The following MRPL10 variants were observed in gnomAD, a reference collection of about 807,000 sequenced individuals.
The protein encoded by MRPL10 is mitochondrial ribosomal protein L10, also known as large ribosomal subunit protein uL10m.
Under a neutral mutation model 19.8 loss-of-function variants are expected in MRPL10, and 14 were observed. The ratio of observed to expected loss-of-function variants is 0.71; its 90% CI spans 0.47 to 1.11. MRPL10 has a LOEUF of 1.11. Among genes scored for constraint, MRPL10 ranks in the 50% least tolerant of loss-of-function variants. The pLI is 0.00. For missense variants in MRPL10, 318 were observed against 339.6 expected (o/e 0.94, Z 0.50); for synonymous variants, 129 against 139.2 (o/e 0.93, Z 0.52).
chr17:47,827,088 T>C lies in MRPL10; in HGVS notation c.339A>G (p.Arg113=). 1 of 1,614,038 alleles carries C rather than the reference T, an allele frequency of 6.2e-7. No homozygotes were observed. The highest frequency in any genetic ancestry group is 8.5e-7 in the Non-Finnish European group (1 of 1,179,964). The change falls in exon 3 of 5, where the codon CGA becomes CGG. Residue 113 remains arginine (R), a synonymous_variant. Transcript: ENST00000351111. ...ALSAEDKLLM[R]HQLRKHKILM... ...GGATCTTGTGTTTCCGCAGCTGGTGTCGCATAAGAAGCTTGTCCTCTGCAC... is the reference window on the plus strand; with the variant it reads ...GGATCTTGTGTTTCCGCAGCTGGTGCCGCATAAGAAGCTTGTCCTCTGCAC...
In MRPL10 at chr17:47,824,243, T is replaced by A. The variant is rs998852581; in HGVS notation, c.748A>T (p.Asn250Tyr). ...QREKDSVMSA[N>Y]GKPDPDTVPD... ...ACAGTGTCAGGATCTGGCTTCCCAT[T>A]GGCCGACATGACAGAATCCTTCTCG... Residue 250 changes from asparagine to tyrosine, a missense_variant, in exon 5 of 5, where the codon AAT becomes TAT. Coordinates refer to ENST00000351111, the MANE Select transcript of MRPL10 (RefSeq NM_145255.4). 2 of 1,614,206 alleles carry A rather than the reference T, an allele frequency of 1.2e-6. No individual in the cohort carries two copies.
rs773030488 is a variant in MRPL10, at chr17:47,824,245, G to A, written c.746C>T (p.Ala249Val). ...AGTGTCAGGATCTGGCTTCCCATTGGCCGACATGACAGAATCCTTCTCGCG... is the reference window on the plus strand; with the variant it reads ...AGTGTCAGGATCTGGCTTCCCATTGACCGACATGACAGAATCCTTCTCGCG... ...EQREKDSVMS[A>V]NGKPDPDTVP... is the part of the protein sequence containing the mutation. The change falls in exon 5 of 5, where the codon GCC becomes GTC. Residue 249 changes from alanine (A) to valine (V), a missense_variant. Ala to Val is a moderately conservative substitution (Grantham distance 64). Coordinates refer to ENST00000351111, the MANE Select transcript of MRPL10 (RefSeq NM_145255.4). 2 of 1,614,136 alleles carry A rather than the reference G, an allele frequency of 1.2e-6. No homozygotes were observed. The highest frequency in any genetic ancestry group is 1.7e-5 in the Admixed American group (1 of 60,026).
Position 47,824,269 on chromosome 17 carries a change from C to A in MRPL10, c.722G>T (p.Arg241Leu). ...TLLDQYIREQ[R>L]EKDSVMSANG... ...GGCCGACATGACAGAATCCTTCTCG[C>A]GTTGCTCTCTGATGTACTGGTCCAA... is the stretch of plus-strand genomic sequence containing the variant. Residue 241 changes from arginine (R) to leucine (L), a missense_variant, in exon 5 of 5, where the codon CGC (arginine) becomes CTC (leucine). Arg to Leu is a moderately radical substitution (Grantham distance 102). Coordinates refer to ENST00000351111, the MANE Select transcript of MRPL10 (RefSeq NM_145255.4). 1.2e-6 allele frequency: 2 copies of A among 1,614,152 alleles called. No homozygotes were observed. The highest frequency in any genetic ancestry group is 1.7e-6 in the Non-Finnish European group (2 of 1,180,028).
chr17:47,826,084 T>C (rs1598035818), intron 4 of MRPL10, among the ~76,000 whole-genome samples: 1 of 143,926 alleles, frequency 6.9e-6, no homozygotes, highest in Non-Finnish European at 1.5e-5. Flanking sequence ...GAGACAGAGG[T>C]TGCAGTGAGC....
At chr17:47,831,432 C>T in intron 1 of MRPL10, 28 bp downstream of exon 1, 4 of 1,548,176 alleles carry the variant, frequency 2.6e-6, no homozygotes, top group Non-Finnish European at 3.5e-6. Context: ...CCGCAAGACA[C>T]GCCGTGAGGA....
intron 4 of MRPL10, among the ~76,000 whole-genome samples, chr17:47,825,619 C>G (rs571622341): frequency 3.3e-5 from 5 of 152,204 alleles, no homozygotes; most frequent in Admixed American, 2.6e-4. Flanking sequence ...GAGTGAGACC[C>G]TGAATCATGG....
chr17:47,829,905 AAAG>A (rs1158770401), intron 1 of MRPL10, among the ~76,000 whole-genome samples: 3 of 144,550 alleles, frequency 2.1e-5, no homozygotes, highest in Admixed American at 6.7e-5. Flanking sequence ...AAAAAAAAAA[AAAG>A]AAAGAAAGAA....
Position 47,831,517 on chromosome 17 carries a change from C to T in MRPL10, c.-6G>A, listed in dbSNP as rs1260833199. 1.3e-6 allele frequency: 2 copies of T among 1,550,096 alleles called. No homozygotes were observed. The highest frequency in any genetic ancestry group is 3.9e-5 in the Admixed American group (2 of 50,894). ...CCCGCCACGGCCGCAGCCATCTCCA[C>T]CGGAAGAATGGACGGAAGCCGAGTG... On this transcript the variant is annotated 5_prime_UTR_variant, in exon 1 of 5. It adds an upstream start codon to the 5' untranslated region. Transcript: ENST00000351111.
In MRPL10 at chr17:47,823,323, C is replaced by A. The variant is rs890748085; in HGVS notation, c.*882G>T. 6.6e-6 allele frequency: 1 copy of A among 151,998 alleles called. No individual in the cohort carries two copies. Among genetic ancestry groups the A allele is most frequent in the African/African-American group, 2.4e-5 (1 of 41,350 alleles). The allele number at this position is 151,998 out of a possible 1,614,324, so 9.4% of individuals were successfully genotyped here. A position where few individuals can be genotyped will look rare whatever the true frequency, so the allele number is the denominator to read the frequency against. On this transcript the variant is annotated 3_prime_UTR_variant, in exon 5 of 5. Coordinates refer to ENST00000351111, the MANE Select transcript of MRPL10 (RefSeq NM_145255.4). ...TAATAGGGCAAGCATGCGCGGGATG[C>A]CATTTGTGGGAACAGGTATAGGGGA... is the stretch of plus-strand genomic sequence containing the variant.
chr17:47,823,896 G>C lies in MRPL10; in HGVS notation c.*309C>G. On this transcript the variant is annotated 3_prime_UTR_variant, in exon 5 of 5. Transcript: ENST00000351111. ...GGGCTCAGGAGCCCGTGCAGCAAGA[G>C]GCAGTGACCAAGGAGGCAGGGGACA... is the stretch of plus-strand genomic sequence containing the variant. The C allele has an allele frequency of 2.5e-6, 1 of 392,766 alleles. No individual in the cohort carries two copies. Among genetic ancestry groups the C allele is most frequent in the South Asian group, 2.3e-5 (1 of 43,824 alleles). The allele number at this position is 392,766 out of a possible 1,614,324, so 24.3% of individuals were successfully genotyped here.
intron 4 of MRPL10, among the ~76,000 whole-genome samples, chr17:47,826,221 C>T (rs547672791): frequency 1.3e-5 from 2 of 151,148 alleles, no homozygotes; most frequent in South Asian, 2.1e-4. Flanking sequence ...TCTGGATTTC[C>T]AAGGACATGT....
At position 47,824,417 on chromosome 17, in the gene MRPL10, T is replaced by C; in HGVS notation, c.574A>G (p.Ile192Val). 6.3e-7 allele frequency: 1 copy of C among 1,578,922 alleles called. No individual in the cohort carries two copies. The change falls in exon 5 of 5, where the codon ATC becomes GTC. Residue 192 changes from isoleucine (I) to valine (V), a missense_variant. Transcript: ENST00000351111. ...DDTILSRQGF[I>V]NYSKLPSLPL... ...AGGCTGGGGAGCTTGGAGTAGTTGA[T>C]AAAGCCCTGCCTGCTGAGGATGGTG...
chr17:47,829,932 T>A (rs935698545), intron 1 of MRPL10, among the ~76,000 whole-genome samples: 4 of 151,656 alleles, frequency 2.6e-5, no homozygotes, highest in Non-Finnish European at 4.4e-5. Context: ...AAAATAAACA[T>A]AAATTCTCAG....
chr17:47,824,171 T>C lies in MRPL10; in HGVS notation c.*34A>G. 6.2e-7 allele frequency: 1 copy of C among 1,613,396 alleles called. No individual in the cohort carries two copies. The highest frequency in any genetic ancestry group is 8.5e-7 in the Non-Finnish European group (1 of 1,179,870). Reference sequence around the variant, plus strand: ...GGAGAGCACAGCCAATAACGCAGAGTGTATTTATGCGCAGGGCTGGCTAAA... The same window carrying C: ...GGAGAGCACAGCCAATAACGCAGAGCGTATTTATGCGCAGGGCTGGCTAAA... On this transcript the variant is annotated 3_prime_UTR_variant, in exon 5 of 5. Transcript: ENST00000351111.
Position 47,824,169 on chromosome 17 carries a change from A to G in MRPL10, c.*36T>C. 1 of 1,613,568 alleles carries G rather than the reference A, an allele frequency of 6.2e-7. No homozygotes were observed. The highest frequency in any genetic ancestry group is 8.5e-7 in the Non-Finnish European group (1 of 1,179,918). ...GAGGAGAGCACAGCCAATAACGCAG[A>G]GTGTATTTATGCGCAGGGCTGGCTA... On this transcript the variant is annotated 3_prime_UTR_variant, in exon 5 of 5. Coordinates refer to ENST00000351111, the MANE Select transcript of MRPL10 (RefSeq NM_145255.4).
At chr17:47,831,176 T>C in intron 1 of MRPL10, 2 of 704,972 alleles carry the variant, frequency 2.8e-6, no homozygotes, top group South Asian at 2.1e-5. Context: ...GGCTAAGGAG[T>C]CAAGGGAAGA....
chr17:47,827,938 C>T (rs1168136707), intron 2 of MRPL10, among the ~76,000 whole-genome samples: 2 of 142,150 alleles, frequency 1.4e-5, no homozygotes, highest in Admixed American at 7.2e-5. Flanking sequence ...GGCAGGGTGG[C>T]TCATGCCTGC....
chr17:47,828,919 G>C (rs1392181992), intron 1 of MRPL10, among the ~76,000 whole-genome samples: 3 of 152,152 alleles, frequency 2.0e-5, no homozygotes, highest in Non-Finnish European at 2.9e-5. Flanking sequence ...TCAATGTGCA[G>C]AAATGTGAGA....
Position 47,827,086 on chromosome 17 carries a change from T to G in MRPL10, c.341A>C (p.His114Pro), listed in dbSNP as rs750498571. Residue 114 changes from histidine (H) to proline (P), a missense_variant, in exon 3 of 5, where the codon CAC (histidine) becomes CCC (proline). By Grantham distance (77) the His-to-Pro change is moderately conservative (BLOSUM62 -2). Coordinates refer to ENST00000351111, the MANE Select transcript of MRPL10 (RefSeq NM_145255.4). ...LSAEDKLLMR[H>P]QLRKHKILMK... is the part of the protein sequence containing the mutation. ...CAGGATCTTGTGTTTCCGCAGCTGG[T>G]GTCGCATAAGAAGCTTGTCCTCTGC... 6 of 1,613,942 alleles carry G rather than the reference T, an allele frequency of 3.7e-6. No homozygotes were observed. In the African/African-American group the frequency reaches 8.0e-5, roughly 22 times the overall value.
Sources: allele counts gnomAD v4.1 joint callset (sites outside exome capture counted in the v4.1 genomes callset), GRCh38; gene constraint gnomAD v4.1.1; transcripts MANE v1.5; gene names NCBI Gene and HGNC (gene_info 2026-07-23, HGNC 2026-07-21).